Variants in OSBP2 observed in about 807,000 individuals in gnomAD.
OSBP2 encodes the protein oxysterol-binding protein 2.
Under a neutral mutation model 96.0 loss-of-function variants are expected in OSBP2, and 66 were observed. The observed-to-expected ratio is 0.69, with a 90% confidence interval of 0.56 to 0.84. The LOEUF is 0.84. Among genes scored for constraint, OSBP2 ranks in the 40% least tolerant of loss-of-function variants. The pLI, the probability that OSBP2 is intolerant of heterozygous loss-of-function variation, is 0.00. For synonymous variants in OSBP2, 525 were observed against 520.9 expected (o/e 1.01, Z -0.11); for missense variants, 1,038 against 1,222.7 (o/e 0.85, Z 2.25).
intron 1 of OSBP2, among the ~76,000 whole-genome samples, chr22:30,713,510 G>C (rs1264211216): frequency 6.6e-6 from 1 of 151,702 alleles, no homozygotes; most frequent in East Asian, 1.9e-4. Context: ...ACCCAGGCTA[G>C]AGTGCAGTGG....
At chr22:30,905,680 C>T (rs1257181646) in intron 12 of OSBP2, among the ~76,000 whole-genome samples, 157 bp from the exon 13 acceptor site, 1 of 152,110 alleles carries the variant, frequency 6.6e-6, no homozygotes, top group African/African-American at 2.4e-5. Context: ...CGGGTGGGCT[C>T]ACTGGGGTGG....
chr22:30,897,025 T>G (rs1019456133), intron 12 of OSBP2, among the ~76,000 whole-genome samples: 1 of 152,046 alleles, frequency 6.6e-6, no homozygotes, highest in Non-Finnish European at 1.5e-5. Flanking sequence ...AAAGTTGAAA[T>G]TAAAAGACAC....
chr22:30,788,599 T>G (rs1431600107), intron 2 of OSBP2, among the ~76,000 whole-genome samples: 1 of 152,208 alleles, frequency 6.6e-6, no homozygotes, highest in African/African-American at 2.4e-5. Flanking sequence ...CATGAAAAAT[T>G]AGATTATCAC....
intron 2 of OSBP2, among the ~76,000 whole-genome samples, chr22:30,766,908 C>T (rs372108690): frequency 4.6e-5 from 7 of 151,984 alleles, no homozygotes; most frequent in East Asian, 3.9e-4. Context: ...ATCCTGAGGG[C>T]GCACTGCAGT....
chr22:30,822,826 GGCGTGGGGA>G, intron 2 of OSBP2: 2 of 865,730 alleles, frequency 2.3e-6, no homozygotes, highest in South Asian at 5.1e-5. Context: ...ACTCCCTCGC[GGCGTGGGGA>G]GCGCGGGGAG....
intron 3 of OSBP2, among the ~76,000 whole-genome samples, chr22:30,876,352 T>G (rs2039577797): frequency 6.6e-6 from 1 of 152,178 alleles, no homozygotes; most frequent in African/African-American, 2.4e-5. Context: ...GGTGGGCCCG[T>G]GGGCAGGACT....
intron 12 of OSBP2, among the ~76,000 whole-genome samples, chr22:30,897,806 C>T (rs915527082): frequency 3.3e-5 from 5 of 151,998 alleles, no homozygotes; most frequent in East Asian, 1.9e-4. Context: ...AAAAATTAGC[C>T]GAGCGTGGTG....
rs1314033171 is a variant in OSBP2 at position 30,871,970 on chromosome 22, G to A, written c.1107+1288G>A. 6.6e-6 allele frequency among the ~76,000 whole-genome samples: 1 copy of A among 152,258 alleles called. No individual in the cohort carries two copies. ...AATCCCACCCTGGGGCCTGAGGCTG[G>A]GCGAGGTGTGCCCCCCTTCCCGACT... is the stretch of plus-strand genomic sequence containing the variant. On this transcript the variant is annotated intron_variant, in intron 3 of 13. Coordinates refer to ENST00000332585, the MANE Select transcript of OSBP2 (RefSeq NM_030758.4). The surrounding 1 kb of genome is among the most constrained non-coding windows in gnomAD (Gnocchi z 4.7).
At position 30,906,726 on chromosome 22, in the gene OSBP2, T is replaced by C. The variant is rs1402840438; in HGVS notation, c.*387T>C. On this transcript the variant is annotated 3_prime_UTR_variant, in exon 14 of 14. Transcript: ENST00000332585. ...CTTCGACTTTTTTAGAAAAATGATC[T>C]CCATTTCTTTCCAGCCATGATGTTT... 1.2e-5 allele frequency: 2 copies of C among 172,914 alleles called. No homozygotes were observed. Among genetic ancestry groups the C allele is most frequent in the African/African-American group, 4.7e-5 (2 of 42,240 alleles). The allele number at this position is 172,914 out of a possible 1,614,324, so 10.7% of individuals were successfully genotyped here.
intron 1 of OSBP2, among the ~76,000 whole-genome samples, chr22:30,720,162 C>T (rs1602167628): frequency 6.6e-6 from 1 of 152,214 alleles, no homozygotes; most frequent in South Asian, 2.1e-4. Flanking sequence ...GAGGCTGTCT[C>T]AGTGTTACTG....
chr22:30,820,146 G>A (rs942596729), intron 2 of OSBP2, among the ~76,000 whole-genome samples: 4 of 152,190 alleles, frequency 2.6e-5, no homozygotes, highest in Admixed American at 6.5e-5. Context: ...TTGGGAGGCC[G>A]AGGTAGGAGG....
At chr22:30,792,624 T>C (rs956432031) in intron 2 of OSBP2, among the ~76,000 whole-genome samples, 2 of 152,216 alleles carry the variant, frequency 1.3e-5, no homozygotes, top group Non-Finnish European at 2.9e-5. Context: ...AGTAATATTC[T>C]CAAGCAAAAT....
chr22:30,725,188 A>C (rs1447614539), intron 1 of OSBP2, among the ~76,000 whole-genome samples: 1 of 93,010 alleles, frequency 1.1e-5, no homozygotes, highest in Admixed American at 1.0e-4. Context: ...AAACAAAAAA[A>C]CAAAAAAACA....
At position 30,794,410 on chromosome 22, in the gene OSBP2, G is replaced by A. The variant is rs970006998; in HGVS notation, c.853+53041G>A. Among the ~76,000 whole-genome samples, 43 of 151,760 alleles carry A rather than the reference G, an allele frequency of 2.8e-4. 1 individual carries two copies. The highest frequency in any genetic ancestry group is 2.2e-3 in the Admixed American group (34 of 15,222). ...CTCCTGAGTAGCTGAGATGACAGGCGCCCGACATCATGTCCGACTAATTTT... is the reference window on the plus strand; with the variant it reads ...CTCCTGAGTAGCTGAGATGACAGGCACCCGACATCATGTCCGACTAATTTT... On this transcript the variant is annotated intron_variant, in intron 2 of 13. Transcript: ENST00000332585.
At position 30,757,058 on chromosome 22, in the gene OSBP2, C is replaced by A. The variant is rs183508024; in HGVS notation, c.853+15689C>A. Among the ~76,000 whole-genome samples, 465 of 151,280 alleles carry A rather than the reference C, an allele frequency of 3.1e-3. 1 individual carries two copies. The highest frequency in any genetic ancestry group is 5.4e-3 in the Admixed American group (82 of 15,280). ...TGTGCGTTGACACCTCCCAGCCAGGCAGACCACACTCCTCAAACCCAGAAT... is the reference window on the plus strand; with the variant it reads ...TGTGCGTTGACACCTCCCAGCCAGGAAGACCACACTCCTCAAACCCAGAAT... On this transcript the variant is annotated intron_variant, in intron 2 of 13. Coordinates refer to ENST00000332585, the MANE Select transcript of OSBP2 (RefSeq NM_030758.4).
At chr22:30,804,118 T>C (rs1307627777) in intron 2 of OSBP2, among the ~76,000 whole-genome samples, 1 of 152,126 alleles carries the variant, frequency 6.6e-6, no homozygotes, top group African/African-American at 2.4e-5. Context: ...GACAGATAGA[T>C]GTGTTAACTC....
intron 2 of OSBP2, among the ~76,000 whole-genome samples, chr22:30,795,472 C>A (rs937187449): frequency 6.6e-6 from 1 of 150,598 alleles, no homozygotes; most frequent in Non-Finnish European, 1.5e-5. Context: ...ACTCTTCTAT[C>A]TTTTCCATTC....
chr22:30,811,839 G>A (rs1232216640), intron 2 of OSBP2, among the ~76,000 whole-genome samples: 2 of 151,100 alleles, frequency 1.3e-5, no homozygotes, highest in East Asian at 3.9e-4. Context: ...ACAGACATAA[G>A]CCACCGCGCC....
chr22:30,776,388 A>G (rs2090437328), intron 2 of OSBP2, among the ~76,000 whole-genome samples: 1 of 152,008 alleles, frequency 6.6e-6, no homozygotes, highest in African/African-American at 2.4e-5. Flanking sequence ...GCCTCCCAAC[A>G]TGCTGGGATT....
Sources: gnomAD v4.1 joint callset for allele counts (sites outside exome capture counted in the v4.1 genomes callset) on GRCh38, gnomAD v4.1.1 for gene constraint, Gnocchi (gnomAD v3.1) non-coding constraint, MANE v1.5 for transcripts, NCBI Gene and HGNC (gene_info 2026-07-23, HGNC 2026-07-21) for gene names.